The following STRN3 variants were observed in gnomAD, a reference collection of about 807,000 sequenced individuals.
STRN3 encodes striatin-3.
Under a neutral mutation model 95.6 loss-of-function variants are expected in STRN3, and 29 were observed. That is an observed-to-expected ratio of 0.30 (90% CI 0.23 to 0.41). The LOEUF is 0.41. Ranked by LOEUF, STRN3 falls within the 10% of genes least tolerant of loss-of-function variation. The pLI, the probability that STRN3 is intolerant of heterozygous loss-of-function variation, is 1.00. For missense variants in STRN3, 890 were observed against 972.1 expected (o/e 0.92, Z 1.12); for synonymous variants, 331 against 357.6 (o/e 0.93, Z 0.84).
At chr14:30,901,669 T>C (rs1160654919) in intron 16 of STRN3, among the ~76,000 whole-genome samples, 2 of 152,174 alleles carry the variant, frequency 1.3e-5, no homozygotes, top group African/African-American at 4.8e-5. Flanking sequence ...CTATTATCTA[T>C]TATTCTAGGT....
At chr14:30,936,649 T>C (rs897563173) in intron 5 of STRN3, 25 bp from the exon 6 acceptor site, 5 of 1,592,022 alleles carry the variant, frequency 3.1e-6, no homozygotes, top group African/African-American at 1.4e-5. Context: ...AAAAGATAAA[T>C]CCAACTATTC....
chr14:30,978,416 C>A (rs1347747365), intron 1 of STRN3, among the ~76,000 whole-genome samples: 1 of 152,008 alleles, frequency 6.6e-6, no homozygotes, highest in Non-Finnish European at 1.5e-5. Context: ...AATCTTATAC[C>A]CATTCATGAC....
intron 1 of STRN3, among the ~76,000 whole-genome samples, chr14:31,005,330 C>T (rs920090624): frequency 1.4e-4 from 22 of 151,880 alleles, no homozygotes; most frequent in Admixed American, 8.5e-4. Flanking sequence ...AGACTCCTCT[C>T]GTAGAGGGGA....
chr14:30,934,354 A>G (rs1276175712), intron 7 of STRN3, among the ~76,000 whole-genome samples: 1 of 152,050 alleles, frequency 6.6e-6, no homozygotes, highest in East Asian at 1.9e-4. Context: ...TAATAATAAC[A>G]ACCTTCTCCA....
intron 3 of STRN3, among the ~76,000 whole-genome samples, chr14:30,953,763 G>A (rs529335776): frequency 6.6e-6 from 1 of 152,236 alleles, no homozygotes; most frequent in Admixed American, 6.5e-5. Flanking sequence ...CTAAATAGCT[G>A]GGACTACAGG....
At chr14:30,997,022 A>T (rs1030552361) in intron 1 of STRN3, among the ~76,000 whole-genome samples, 14 of 152,240 alleles carry the variant, frequency 9.2e-5, no homozygotes, top group African/African-American at 2.9e-4. Context: ...ATAAAAAAAA[A>T]ACCTAAATGT....
intron 1 of STRN3, among the ~76,000 whole-genome samples, chr14:30,993,302 T>C (rs1882051051): frequency 6.7e-6 from 1 of 150,146 alleles, no homozygotes; most frequent in Non-Finnish European, 1.5e-5. Flanking sequence ...AGGTAGTGCC[T>C]GACTTCAGTA....
At chr14:30,961,705 T>A (rs866586307) in intron 1 of STRN3, among the ~76,000 whole-genome samples, 1 of 152,322 alleles carries the variant, frequency 6.6e-6, no homozygotes, top group Middle Eastern at 3.4e-3. Flanking sequence ...CACTGTACCC[T>A]CTAAGTCCTG....
intron 4 of STRN3, among the ~76,000 whole-genome samples, chr14:30,947,789 A>AT (rs1319040485): frequency 6.6e-6 from 1 of 152,190 alleles, no homozygotes; most frequent in African/African-American, 2.4e-5. Flanking sequence ...CAGTCCTGTG[A>AT]TTTTCAATCT....
chr14:30,981,576 T>TCACACACACACACACACACA (rs34644271), intron 1 of STRN3, among the ~76,000 whole-genome samples: 3 of 145,298 alleles, frequency 2.1e-5, no homozygotes, highest in African/African-American at 5.1e-5. Context: ...AGCTTAGAAT[T>TCACACACACACACACACACA]CACACACACA....
chr14:30,929,045 T>C (rs1878340171), intron 8 of STRN3, among the ~76,000 whole-genome samples, 156 bp downstream of exon 8: 2 of 152,162 alleles, frequency 1.3e-5, no homozygotes, highest in Admixed American at 1.3e-4. Flanking sequence ...TCCTAAATTA[T>C]ATACAAACAA....
chr14:30,921,869 T>C (rs1011322580), intron 8 of STRN3, among the ~76,000 whole-genome samples: 2 of 152,158 alleles, frequency 1.3e-5, no homozygotes, highest in South Asian at 4.1e-4. Context: ...ATTTATTTTT[T>C]AATTTTTATT....
intron 1 of STRN3, among the ~76,000 whole-genome samples, chr14:31,020,142 C>T (rs1000190339): frequency 3.3e-5 from 5 of 152,144 alleles, no homozygotes; most frequent in Admixed American, 1.3e-4. Context: ...TAGAAGTATA[C>T]ATTTAGGAAC....
chr14:31,000,956 T>G (rs1882421939), intron 1 of STRN3, among the ~76,000 whole-genome samples: 1 of 152,130 alleles, frequency 6.6e-6, no homozygotes, highest in South Asian at 2.1e-4. Flanking sequence ...GTAGACTTGG[T>G]AACAATAAAG....
At chr14:30,989,822 C>T (rs1881867618) in intron 1 of STRN3, among the ~76,000 whole-genome samples, 1 of 151,958 alleles carries the variant, frequency 6.6e-6, no homozygotes, top group South Asian at 2.1e-4. Flanking sequence ...CTAACACATA[C>T]TAACTCATGT....
intron 8 of STRN3, among the ~76,000 whole-genome samples, chr14:30,927,879 G>A (rs1236796890): frequency 7.0e-6 from 1 of 141,976 alleles, no homozygotes; most frequent in Non-Finnish European, 1.5e-5. Flanking sequence ...GTTGCAGTGA[G>A]CCGAGATTGC....
chr14:30,976,156 G>T (rs1314631002), intron 1 of STRN3, among the ~76,000 whole-genome samples: 1 of 142,598 alleles, frequency 7.0e-6, no homozygotes, highest in African/African-American at 3.1e-5. Flanking sequence ...TGCCAGACAG[G>T]TTGCCTACAA....
intron 1 of STRN3, among the ~76,000 whole-genome samples, chr14:30,972,527 G>A (rs1445153699): frequency 1.3e-5 from 2 of 152,190 alleles, no homozygotes; most frequent in Non-Finnish European, 2.9e-5. Flanking sequence ...TTTTATATTC[G>A]AGTGTTATTT....
chr14:31,010,960 A>C (rs553641736), intron 1 of STRN3, among the ~76,000 whole-genome samples: 13 of 152,258 alleles, frequency 8.5e-5, no homozygotes, highest in Admixed American at 5.9e-4. Context: ...AATCACTTGA[A>C]CCCAGGCAGC....
Sources: gnomAD v4.1 joint callset for allele counts (sites outside exome capture counted in the v4.1 genomes callset) on GRCh38, gnomAD v4.1.1 for gene constraint, MANE v1.5 for transcripts, NCBI Gene and HGNC (gene_info 2026-07-23, HGNC 2026-07-21) for gene names.